LSP1: variants seen among roughly 807,000 people sequenced by gnomAD.
The protein encoded by LSP1 is lymphocyte-specific protein 1.
LSP1 carries 32 observed loss-of-function variants against 49.3 expected under a neutral mutation model. The observed-to-expected ratio is 0.65, with a 90% CI of 0.49 to 0.87. LSP1 has a LOEUF of 0.87. Among genes scored for constraint, LSP1 ranks in the 40% least tolerant of loss-of-function variants. The pLI is 0.00. For synonymous variants in LSP1, 179 were observed against 178.8 expected (o/e 1.00, Z -0.01); for missense variants, 428 against 442.6 (o/e 0.97, Z 0.30).
At chr11:1,889,332 G>C in intron 10 of LSP1, 1 of 710,730 alleles carries the variant, frequency 1.4e-6, no homozygotes, top group South Asian at 1.5e-5. Context: ...GCTGGGCCCT[G>C]CCAGGCGCCC....
At chr11:1,877,828 G>A (rs776513487) in intron 1 of LSP1, among the ~76,000 whole-genome samples, 6 of 152,160 alleles carry the variant, frequency 3.9e-5, no homozygotes, top group Non-Finnish European at 7.4e-5. Flanking sequence ...CAGGCCTAGG[G>A]AGTCCTGCGC....
intron 10 of LSP1, chr11:1,889,312 G>T: frequency 1.4e-6 from 1 of 706,364 alleles, no homozygotes. Context: ...GCTGGGGTGT[G>T]CTCCCCACCG....
intron 1 of LSP1, among the ~76,000 whole-genome samples, chr11:1,874,349 T>C (rs1244781486): frequency 1.9e-5 from 1 of 51,292 alleles, no homozygotes; most frequent in East Asian, 5.3e-4. Flanking sequence ...CTGGGGACAG[T>C]GGGGGCAGTG....
intron 1 of LSP1, 70 bp from the exon 2 acceptor site, chr11:1,880,017 T>TCTC: frequency 3.8e-6 from 6 of 1,581,352 alleles, no homozygotes; most frequent in East Asian, 2.3e-5. Context: ...CCTGTGTAGA[T>TCTC]GGGAGGAATG....
chr11:1,867,760 T>C (rs1260049418), intron 1 of LSP1, among the ~76,000 whole-genome samples: 1 of 152,128 alleles, frequency 6.6e-6, no homozygotes, highest in African/African-American at 2.4e-5. Context: ...ATAAATTCAA[T>C]GCAGTTTACA....
intron 1 of LSP1, chr11:1,871,203 G>T: frequency 1.0e-6 from 1 of 986,294 alleles, no homozygotes; most frequent in Non-Finnish European, 1.2e-6. Flanking sequence ...CGCAGAACAG[G>T]AGGAGGGGGG....
intron 1 of LSP1, among the ~76,000 whole-genome samples, chr11:1,858,403 C>T (rs949204720): frequency 2.0e-5 from 3 of 152,238 alleles, no homozygotes; most frequent in African/African-American, 7.2e-5. Context: ...GGGACCGTCC[C>T]GAAAAGCGGA....
chr11:1,855,836 A>C lies in LSP1; in HGVS notation c.53+2639A>C, dbSNP rs569337228. Among the ~76,000 whole-genome samples the C allele has an allele frequency of 5.3e-5, 8 of 152,248 alleles. No homozygotes were observed. The South Asian group carries it at 1.2e-3, about 24-fold the overall frequency. ...TGACGCTGGGGGATGCCTGCCCTCT[A>C]TAGCCCCCAAGAGCAAGGCTCTCCC... is the stretch of plus-strand genomic sequence containing the variant. On this transcript the variant is annotated intron_variant, in intron 1 of 10. Coordinates refer to ENST00000311604, the MANE Select transcript of LSP1 (RefSeq NM_002339.3).
chr11:1,889,067 A>T, intron 10 of LSP1: 1 of 577,066 alleles, frequency 1.7e-6, no homozygotes. Flanking sequence ...TGCAGCAACT[A>T]TGGGCCCCCA....
Position 1,880,071 on chromosome 11 carries a change from C to G in LSP1, c.54-16C>G. The G allele has an allele frequency of 6.2e-7, 1 of 1,607,034 alleles. No individual in the cohort carries two copies. Among genetic ancestry groups the G allele is most frequent in the African/African-American group, 1.3e-5 (1 of 74,570 alleles). ...TGTCGGCTGTGGCGTGACTGTCCCT[C>G]TGTGTCCCCCACTAGGCCCACTGCT... On this transcript the variant is annotated splice_polypyrimidine_tract_variant and intron_variant, in intron 1 of 10. Coordinates refer to ENST00000311604, the MANE Select transcript of LSP1 (RefSeq NM_002339.3).
At chr11:1,877,961 T>G (rs868290248) in intron 1 of LSP1, among the ~76,000 whole-genome samples, 1 of 152,086 alleles carries the variant, frequency 6.6e-6, no homozygotes, top group African/African-American at 2.4e-5. Flanking sequence ...CACGAGCTTC[T>G]GGGGTCTCTG....
intron 7 of LSP1, among the ~76,000 whole-genome samples, chr11:1,886,502 G>A (rs533441024): frequency 6.6e-6 from 1 of 152,230 alleles, no homozygotes; most frequent in Non-Finnish European, 1.5e-5. Context: ...ACCCACATCT[G>A]TCCTGTGCGC....
chr11:1,870,992 T>A (rs1301853439), intron 1 of LSP1: 2 of 985,460 alleles, frequency 2.0e-6, no homozygotes, highest in Non-Finnish European at 2.4e-6. Flanking sequence ...CAGGGCTCCT[T>A]GGTCCCCTCC....
intron 1 of LSP1, among the ~76,000 whole-genome samples, chr11:1,866,087 G>A (rs1254770352): frequency 6.6e-6 from 1 of 152,136 alleles, no homozygotes; most frequent in Non-Finnish European, 1.5e-5. Context: ...CAGTCTCAGA[G>A]ATATCCCTCT....
At chr11:1,881,394 C>T (rs766557234) in intron 2 of LSP1, 38 bp from the exon 3 acceptor site, 16 of 1,523,798 alleles carry the variant, frequency 1.1e-5, no homozygotes, top group African/African-American at 1.4e-5. Flanking sequence ...GAGGAGGCAG[C>T]AGCCGCCCAG....
chr11:1,854,626 C>T (rs894113524), intron 1 of LSP1, among the ~76,000 whole-genome samples: 6 of 152,272 alleles, frequency 3.9e-5, no homozygotes, highest in Admixed American at 2.0e-4. Flanking sequence ...AAGCAGAGGC[C>T]GGGGCTGGCT....
chr11:1,880,049 C>T (rs751382413), intron 1 of LSP1, 38 bp from the exon 2 acceptor site: 6 of 1,603,202 alleles, frequency 3.7e-6, no homozygotes, highest in Admixed American at 1.7e-5. Context: ...GCACCTGTGT[C>T]GGCTGTGGCG....
chr11:1,871,291 G>A, intron 1 of LSP1: 1 of 986,288 alleles, frequency 1.0e-6, no homozygotes, highest in Non-Finnish European at 1.2e-6. Flanking sequence ...CCACGAGCAG[G>A]GCGGGGCCCT....
At chr11:1,874,508 C>T (rs1385412910) in intron 1 of LSP1, among the ~76,000 whole-genome samples, 1 of 152,134 alleles carries the variant, frequency 6.6e-6, no homozygotes. Context: ...ACCCAGCAGG[C>T]CCGGCACCCA....
Sources: allele counts gnomAD v4.1 joint callset (sites outside exome capture counted in the v4.1 genomes callset), GRCh38; gene constraint gnomAD v4.1.1; transcripts MANE v1.5; gene names NCBI Gene and HGNC (gene_info 2026-07-23, HGNC 2026-07-21).